Variants in SYN3 observed in about 807,000 individuals in gnomAD.
The protein encoded by SYN3 is synapsin-3.
In SYN3, 35 loss-of-function variants were observed where a neutral mutation model predicts 65.8. The observed-to-expected ratio is 0.53, with a 90% CI of 0.41 to 0.70. SYN3 has a LOEUF of 0.70. Among genes scored for constraint, SYN3 ranks in the 30% least tolerant of loss-of-function variants. The pLI is 0.00. For synonymous variants in SYN3, 270 were observed against 292.9 expected (o/e 0.92, Z 0.80); for missense variants, 680 against 749.0 (o/e 0.91, Z 1.08).
chr22:32,851,597 G>A (rs886251176), intron 6 of SYN3, among the ~76,000 whole-genome samples: 1 of 152,122 alleles, frequency 6.6e-6, no homozygotes, highest in Non-Finnish European at 1.5e-5. Context: ...CTGGGAATTA[G>A]ATGTAGGATC....
chr22:32,667,364 A>T (rs906112094), intron 6 of SYN3, among the ~76,000 whole-genome samples: 11 of 151,794 alleles, frequency 7.2e-5, no homozygotes, highest in African/African-American at 2.2e-4. Context: ...AAGGGATCAT[A>T]CTATGTATAT....
At chr22:32,916,765 G>A (rs981922235) in intron 4 of SYN3, among the ~76,000 whole-genome samples, 5 of 152,142 alleles carry the variant, frequency 3.3e-5, no homozygotes, top group Admixed American at 1.3e-4. Flanking sequence ...TAGGGTAGAG[G>A]TTTCCTAAAT....
intron 2 of SYN3, among the ~76,000 whole-genome samples, chr22:32,990,289 AATCCATCCATGAATCCATCC>A (rs1177431281): frequency 5.7e-5 from 8 of 139,996 alleles, no homozygotes; most frequent in South Asian, 2.1e-4. Context: ...TCCATCCATG[AATCCATCCATGAATCCATCC>A]ATCCATCCAT....
intron 10 of SYN3, 99 bp downstream of exon 10, chr22:32,533,694 G>T: frequency 1.2e-6 from 1 of 804,170 alleles, no homozygotes; most frequent in Non-Finnish European, 2.0e-6. Flanking sequence ...CTGGAGCCAG[G>T]ACACAGCTGA....
At chr22:32,958,116 T>G (rs535234983) in intron 3 of SYN3, among the ~76,000 whole-genome samples, 30 of 152,216 alleles carry the variant, frequency 2.0e-4, no homozygotes, top group Non-Finnish European at 3.5e-4. Context: ...GACATTCACA[T>G]GTCCAGTGTC....
chr22:32,582,392 C>T (rs1386807715), intron 7 of SYN3, among the ~76,000 whole-genome samples: 4 of 151,370 alleles, frequency 2.6e-5, no homozygotes, highest in African/African-American at 9.7e-5. Context: ...CTCTGTTGCC[C>T]AGGCTGGAGT....
At chr22:32,775,262 A>G (rs1376592983) in intron 6 of SYN3, among the ~76,000 whole-genome samples, 4 of 152,298 alleles carry the variant, frequency 2.6e-5, no homozygotes, top group Middle Eastern at 3.4e-3. Flanking sequence ...CTATGAGATC[A>G]GGGTCCCACC....
chr22:32,774,469 C>G (rs2045858275), intron 6 of SYN3, among the ~76,000 whole-genome samples: 1 of 152,126 alleles, frequency 6.6e-6, no homozygotes, highest in Non-Finnish European at 1.5e-5. Context: ...CGAGTCTTCA[C>G]AGAGATGAAG....
At chr22:32,965,906 A>T (rs553379473) in intron 3 of SYN3, among the ~76,000 whole-genome samples, 2 of 152,086 alleles carry the variant, frequency 1.3e-5, no homozygotes, top group African/African-American at 2.4e-5. Context: ...GTGTTAGCCA[A>T]GGTGGTCTCG....
chr22:32,559,832 C>CAA lies in SYN3; in HGVS notation c.775-18121_775-18120dup, dbSNP rs35916830. ...GAGACAGAGCGAGACTCCGTCTCAA[C>CAA]AAAAAAAAAAAAAAAGAAAAAAAGA... is the stretch of plus-strand genomic sequence containing the variant. On this transcript the variant is annotated intron_variant, in intron 7 of 13. Coordinates refer to ENST00000358763, the MANE Select transcript of SYN3 (RefSeq NM_003490.4). Among the ~76,000 whole-genome samples the CAA allele has an allele frequency of 3.7e-3, 355 of 95,982 alleles. 1 individual carries two copies. The highest frequency in any genetic ancestry group is 4.8e-3 in the Non-Finnish European group (218 of 45,422). 63.0% of individuals were successfully genotyped at this position (95,982 alleles called of 152,430 possible). A position where few individuals can be genotyped will look rare whatever the true frequency, so the allele number is the denominator to read the frequency against.
intron 6 of SYN3, among the ~76,000 whole-genome samples, chr22:32,625,461 C>T (rs956429556): frequency 7.9e-5 from 12 of 152,152 alleles, no homozygotes; most frequent in African/African-American, 2.9e-4. Context: ...CTGAAGGCAC[C>T]CAAGTTTGCC....
intron 7 of SYN3, among the ~76,000 whole-genome samples, chr22:32,543,739 A>T (rs1310173218): frequency 6.6e-6 from 1 of 151,684 alleles, no homozygotes; most frequent in Non-Finnish European, 1.5e-5. Context: ...GGCCGGTGAA[A>T]CCTGGGTAGC....
In SYN3 at chr22:32,589,538, C is replaced by G. The variant is rs144683252; in HGVS notation, c.774+7136G>C. Among the ~76,000 whole-genome samples, 416 of 152,276 alleles carry G rather than the reference C, an allele frequency of 2.7e-3. 1 individual carries two copies. Among genetic ancestry groups the G allele is most frequent in the African/African-American group, 9.7e-3 (403 of 41,564 alleles). ...TCACATAATACTTAATCTCTTGAAA[C>G]TCTCAATAAGTTTCCTAACTCTCTC... On this transcript the variant is annotated intron_variant, in intron 7 of 13. Coordinates refer to ENST00000358763, the MANE Select transcript of SYN3 (RefSeq NM_003490.4).
Position 32,729,186 on chromosome 22 carries a change from G to A in SYN3, c.712-132450C>T, listed in dbSNP as rs146161881. ...AGACGATCAGCTATACAAGAACAGG[G>A]ACCTCTCATTCTAGGTCACCATCCT... is the stretch of plus-strand genomic sequence containing the variant. On this transcript the variant is annotated intron_variant, in intron 6 of 13. Coordinates refer to ENST00000358763, the MANE Select transcript of SYN3 (RefSeq NM_003490.4). Among the ~76,000 whole-genome samples the A allele has an allele frequency of 7.7e-3, 1,178 of 152,284 alleles. 19 individuals carry two copies. Among genetic ancestry groups the A allele is most frequent in the African/African-American group, 0.027 (1,125 of 41,556 alleles).
At chr22:33,053,421 T>C (rs925742382) in intron 1 of SYN3, among the ~76,000 whole-genome samples, 1 of 152,030 alleles carries the variant, frequency 6.6e-6, no homozygotes, top group African/African-American at 2.4e-5. Flanking sequence ...CGAGACTCCG[T>C]TTCAAAAAAA....
At chr22:32,559,516 A>C (rs1004828533) in intron 7 of SYN3, among the ~76,000 whole-genome samples, 11 of 152,176 alleles carry the variant, frequency 7.2e-5, no homozygotes, top group East Asian at 3.8e-4. Flanking sequence ...CACCAGAGAA[A>C]GGCAGTCTCC....
chr22:32,552,528 C>G (rs1382518162), intron 7 of SYN3, among the ~76,000 whole-genome samples: 4 of 147,600 alleles, frequency 2.7e-5, no homozygotes, highest in African/African-American at 1.0e-4. Context: ...AGGTTAAAAA[C>G]AAGCAGGACT....
At chr22:32,777,682 A>C (rs2045942568) in intron 6 of SYN3, among the ~76,000 whole-genome samples, 1 of 152,224 alleles carries the variant, frequency 6.6e-6, no homozygotes, top group Non-Finnish European at 1.5e-5. Context: ...CAAGAAAATA[A>C]ATAATAGCAG....
At chr22:32,966,996 T>C (rs1441182037) in intron 3 of SYN3, among the ~76,000 whole-genome samples, 1 of 152,200 alleles carries the variant, frequency 6.6e-6, no homozygotes, top group Non-Finnish European at 1.5e-5. Context: ...TTCTGCCACT[T>C]GTATGCTGTG....
Sources: allele counts gnomAD v4.1 joint callset (sites outside exome capture counted in the v4.1 genomes callset), GRCh38; gene constraint gnomAD v4.1.1; transcripts MANE v1.5; gene names NCBI Gene and HGNC (gene_info 2026-07-23, HGNC 2026-07-21).